Variants in LRRC4C observed in about 807,000 individuals in gnomAD.
LRRC4C encodes leucine rich repeat containing 4C.
A neutral mutation model predicts 33.6 loss-of-function variants in LRRC4C; 5 were observed. The observed-to-expected ratio is 0.15, with a 90% CI of 0.08 to 0.31. The LOEUF is 0.31. LRRC4C is among the 10% of genes least tolerant of loss of function. The probability of loss-of-function intolerance (pLI) is 1.00; values close to 1 mark genes in which losing one functional copy is unlikely to be tolerated. For missense variants in LRRC4C, 560 were observed against 796.7 expected (o/e 0.70, Z 3.58); for synonymous variants, 329 against 302.0 (o/e 1.09, Z -0.93).
chr11:40,533,669 G>T (rs1956360124), intron 3 of LRRC4C, among the ~76,000 whole-genome samples: 1 of 152,056 alleles, frequency 6.6e-6, no homozygotes, highest in Admixed American at 6.6e-5. Flanking sequence ...TTCCAGAGAG[G>T]CATAGTCAGA....
chr11:40,207,233 G>A (rs147129186), intron 5 of LRRC4C, among the ~76,000 whole-genome samples: 3,838 of 152,272 alleles, frequency 0.025, 67 homozygotes, highest in Middle Eastern at 0.041. Flanking sequence ...AAGTTTGGGT[G>A]ACGGAATATA....
chr11:41,136,565 T>C (rs941589691), intron 1 of LRRC4C, among the ~76,000 whole-genome samples: 3 of 152,152 alleles, frequency 2.0e-5, no homozygotes, highest in South Asian at 2.1e-4. Flanking sequence ...TTCATTGATA[T>C]CTTTCCGACA....
intron 1 of LRRC4C, among the ~76,000 whole-genome samples, chr11:41,138,013 A>C (rs1304700957): frequency 6.6e-6 from 1 of 152,204 alleles, no homozygotes; most frequent in Non-Finnish European, 1.5e-5. Context: ...TAAGTAGCTA[A>C]TCAAATAAAG....
At chr11:40,458,939 A>G (rs1261694045) in intron 3 of LRRC4C, among the ~76,000 whole-genome samples, 2 of 151,438 alleles carry the variant, frequency 1.3e-5, no homozygotes, top group Non-Finnish European at 2.9e-5. Flanking sequence ...TGGAAATTTA[A>G]AAGGAGGAAG....
chr11:40,822,339 G>T (rs533070200), intron 2 of LRRC4C, among the ~76,000 whole-genome samples: 5 of 142,612 alleles, frequency 3.5e-5, no homozygotes, highest in South Asian at 2.2e-4. Flanking sequence ...TTGATTCTAG[G>T]TTTTTTTTTT....
intron 1 of LRRC4C, among the ~76,000 whole-genome samples, chr11:41,106,632 G>A (rs1190968825): frequency 2.0e-5 from 3 of 152,044 alleles, no homozygotes; most frequent in African/African-American, 7.2e-5. Flanking sequence ...TTTGGCTCAT[G>A]AGCTTCCTTT....
chr11:41,002,431 C>A (rs369731878), intron 1 of LRRC4C, among the ~76,000 whole-genome samples: 1 of 152,076 alleles, frequency 6.6e-6, no homozygotes, highest in East Asian at 1.9e-4. Context: ...AAAATTAGAG[C>A]AAATCTCAAG....
At chr11:41,192,323 TGTG>T (rs1945990300) in intron 1 of LRRC4C, among the ~76,000 whole-genome samples, 1 of 11,248 alleles carries the variant, frequency 8.9e-5, no homozygotes, top group African/African-American at 1.4e-4. Flanking sequence ...ATGAATTAAA[TGTG>T]TGTGTGTGTG....
chr11:40,630,048 C>G (rs1963319096), intron 3 of LRRC4C, among the ~76,000 whole-genome samples: 1 of 151,882 alleles, frequency 6.6e-6, no homozygotes. Context: ...AAATAATCTC[C>G]AATATCATAA....
At chr11:40,661,010 T>C (rs576521355) in intron 2 of LRRC4C, among the ~76,000 whole-genome samples, 55 of 152,222 alleles carry the variant, frequency 3.6e-4, no homozygotes, top group Non-Finnish European at 6.5e-4. Flanking sequence ...GGTTTCTTTT[T>C]ATTGCATTTG....
chr11:40,772,875 GT>G (rs1949816767), intron 2 of LRRC4C, among the ~76,000 whole-genome samples: 1 of 152,088 alleles, frequency 6.6e-6, no homozygotes, highest in Non-Finnish European at 1.5e-5. Context: ...AAGGAAATCA[GT>G]ATATCAAAGA....
rs187277263 is a variant in LRRC4C, at chr11:40,844,683, A to G, written c.-407+88952T>C. On this transcript the variant is annotated intron_variant, in intron 2 of 6. Coordinates refer to ENST00000528697, the MANE Select transcript of LRRC4C (RefSeq NM_001258419.2). ...TTTGTTTAGGAATCATTACTTTCTCATTTATTACTAAACTCCAAATAATAA... is the reference window on the plus strand; with the variant it reads ...TTTGTTTAGGAATCATTACTTTCTCGTTTATTACTAAACTCCAAATAATAA... Among the ~76,000 whole-genome samples the G allele has an allele frequency of 2.4e-3, 371 of 152,254 alleles. 2 individuals carry two copies. The highest frequency in any genetic ancestry group is 6.8e-3 in the African/African-American group (281 of 41,560).
intron 2 of LRRC4C, among the ~76,000 whole-genome samples, chr11:40,860,675 C>T (rs112459489): frequency 0.022 from 3,307 of 151,704 alleles, 129 homozygotes; most frequent in African/African-American, 0.076. Flanking sequence ...TATCCCACTC[C>T]CCTACCCCAA....
chr11:40,332,743 T>C (rs1946419132), intron 3 of LRRC4C, among the ~76,000 whole-genome samples: 1 of 152,204 alleles, frequency 6.6e-6, no homozygotes, highest in Non-Finnish European at 1.5e-5. Context: ...TGTTCATGGA[T>C]TGGAGGATTC....
chr11:41,231,652 T>C (rs1220644424), intron 1 of LRRC4C, among the ~76,000 whole-genome samples: 1 of 150,148 alleles, frequency 6.7e-6, no homozygotes, highest in South Asian at 2.1e-4. Flanking sequence ...CATTAGGAGA[T>C]ATACCTAATG....
intron 1 of LRRC4C, among the ~76,000 whole-genome samples, chr11:41,103,743 C>T (rs1278293260): frequency 6.6e-6 from 1 of 151,848 alleles, no homozygotes. Context: ...TATTACAAAG[C>T]TATAGGAATC....
intron 3 of LRRC4C, among the ~76,000 whole-genome samples, chr11:40,646,744 C>T (rs185303901): frequency 6.6e-6 from 1 of 152,150 alleles, no homozygotes; most frequent in East Asian, 1.9e-4. Context: ...GTAGCTGGGA[C>T]TACAGGCGCC....
At chr11:40,668,585 T>C (rs898752472) in intron 2 of LRRC4C, among the ~76,000 whole-genome samples, 1 of 152,214 alleles carries the variant, frequency 6.6e-6, no homozygotes, top group African/African-American at 2.4e-5. Flanking sequence ...CCTTGTATTT[T>C]CTACTGACGA....
At chr11:41,160,123 A>C (rs1171252122) in intron 1 of LRRC4C, among the ~76,000 whole-genome samples, 4 of 152,144 alleles carry the variant, frequency 2.6e-5, no homozygotes, top group Non-Finnish European at 5.9e-5. Flanking sequence ...TGAGGGGGAA[A>C]GTGAAAAGAG....
Sources: allele counts gnomAD v4.1 joint callset (sites outside exome capture counted in the v4.1 genomes callset), GRCh38; gene constraint gnomAD v4.1.1; transcripts MANE v1.5; gene names NCBI Gene and HGNC (gene_info 2026-07-23, HGNC 2026-07-21).